Variants in LRBA observed in about 807,000 individuals in gnomAD.
The protein encoded by LRBA is lipopolysaccharide-responsive and beige-like anchor protein.
In LRBA, 176 loss-of-function variants were observed where a neutral mutation model predicts 330.0. The ratio of observed to expected loss-of-function variants is 0.53; its 90% confidence interval spans 0.47 to 0.60. The LOEUF (loss-of-function observed/expected upper bound fraction) is 0.60, where lower values mean the gene tolerates loss of function less well. Among genes scored for constraint, LRBA ranks in the 20% least tolerant of loss-of-function variants. The pLI is 0.00. For missense variants in LRBA, 3,259 were observed against 3,444.8 expected (o/e 0.95, Z 1.35); for synonymous variants, 1,230 against 1,193.0 (o/e 1.03, Z -0.64).
chr4:150,435,777 T>C, intron 45 of LRBA, 69 bp from the exon 46 acceptor site: 1 of 1,260,318 alleles, frequency 7.9e-7, no homozygotes, highest in Admixed American at 2.3e-5. Context: ...TATAAATTCT[T>C]AGAACTAAAT....
intron 40 of LRBA, among the ~76,000 whole-genome samples, chr4:150,549,457 G>C (rs930520733): frequency 2.6e-5 from 4 of 151,646 alleles, no homozygotes; most frequent in African/African-American, 7.3e-5. Flanking sequence ...TCAGCCTCCC[G>C]AGTAGCTGGG....
intron 43 of LRBA, among the ~76,000 whole-genome samples, chr4:150,470,607 A>G (rs1186433078): frequency 6.6e-6 from 1 of 152,088 alleles, no homozygotes; most frequent in African/African-American, 2.4e-5. Flanking sequence ...CCGGCACAGT[A>G]AAATCATCAT....
intron 53 of LRBA, among the ~76,000 whole-genome samples, chr4:150,288,661 G>A (rs1463014421): frequency 6.6e-6 from 1 of 150,716 alleles, no homozygotes; most frequent in Non-Finnish European, 1.5e-5. Context: ...CCAGAAGGCT[G>A]TACATTCCAC....
At chr4:150,540,983 G>A (rs1216569716) in intron 40 of LRBA, among the ~76,000 whole-genome samples, 2 of 152,134 alleles carry the variant, frequency 1.3e-5, no homozygotes, top group Admixed American at 1.3e-4. Flanking sequence ...TCAAAAAATG[G>A]TGGCTTTATC....
At chr4:151,008,240 C>T (rs1004890722) in intron 2 of LRBA, among the ~76,000 whole-genome samples, 1 of 151,934 alleles carries the variant, frequency 6.6e-6, no homozygotes, top group African/African-American at 2.4e-5. Flanking sequence ...GCCACCACAC[C>T]TGGCTAATTT....
At chr4:150,451,341 A>AT (rs200105816) in intron 44 of LRBA, among the ~76,000 whole-genome samples, 3,907 of 152,328 alleles carry the variant, frequency 0.026, 145 homozygotes, top group African/African-American at 0.084. Context: ...AAAGAACTGA[A>AT]ATCATACAGC....
chr4:150,872,565 G>A, intron 18 of LRBA, 98 bp downstream of exon 18: 1 of 725,400 alleles, frequency 1.4e-6, no homozygotes, highest in Non-Finnish European at 2.3e-6. Context: ...AAAAATAAAA[G>A]AAAAACTAGA....
At chr4:150,404,069 A>G (rs964860884) in intron 47 of LRBA, among the ~76,000 whole-genome samples, 3 of 152,126 alleles carry the variant, frequency 2.0e-5, no homozygotes, top group Non-Finnish European at 4.4e-5. Context: ...TATTTTGAAT[A>G]AAGTGTCAAA....
At chr4:150,581,875 T>A (rs1771395082) in intron 40 of LRBA, 1 of 152,142 alleles carries the variant, frequency 6.6e-6, no homozygotes, top group South Asian at 2.1e-4. Context: ...CACCCCCTCA[T>A]GATGGCCCTG....
At chr4:150,808,188 C>T in intron 32 of LRBA, 132 bp downstream of exon 32, 7 of 605,300 alleles carry the variant, frequency 1.2e-5, no homozygotes, top group Non-Finnish European at 2.0e-5. Context: ...TGTTCCCAAG[C>T]CTCTAAATGT....
At chr4:150,631,404 T>C (rs1401329067) in intron 37 of LRBA, among the ~76,000 whole-genome samples, 1 of 152,094 alleles carries the variant, frequency 6.6e-6, no homozygotes, top group Non-Finnish European at 1.5e-5. Context: ...ATGAGAAAAT[T>C]GGAGTGGAAG....
chr4:150,272,553 G>T (rs1746250172), intron 56 of LRBA, among the ~76,000 whole-genome samples: 1 of 151,952 alleles, frequency 6.6e-6, no homozygotes, highest in Admixed American at 6.6e-5. Context: ...ATGCAAGGAA[G>T]CTAAGAACCT....
intron 2 of LRBA, among the ~76,000 whole-genome samples, chr4:150,969,217 A>T (rs1739247885): frequency 6.6e-6 from 1 of 152,242 alleles, no homozygotes; most frequent in Admixed American, 6.5e-5. Flanking sequence ...ATAGTTCAAA[A>T]TGTAATTTCA....
chr4:150,735,214 TA>T, intron 36 of LRBA, 43 bp downstream of exon 36: 1 of 1,365,788 alleles, frequency 7.3e-7, no homozygotes, highest in Non-Finnish European at 1.0e-6. Context: ...TGATTATCAT[TA>T]AAAAACGGTA....
At chr4:150,660,386 G>T (rs1197454387) in intron 37 of LRBA, among the ~76,000 whole-genome samples, 2 of 128,394 alleles carry the variant, frequency 1.6e-5, no homozygotes, top group African/African-American at 5.6e-5. Context: ...CAGTGGCCCC[G>T]TCCGGGAGGT....
chr4:150,930,309 C>T (rs1163996256), intron 2 of LRBA, among the ~76,000 whole-genome samples: 3 of 92,358 alleles, frequency 3.2e-5, no homozygotes, highest in Admixed American at 1.5e-4. Context: ...AGCGAGACTC[C>T]GTCTCAAAAA....
intron 47 of LRBA, among the ~76,000 whole-genome samples, chr4:150,414,899 A>C (rs2151950654): frequency 6.6e-6 from 1 of 152,316 alleles, no homozygotes; most frequent in African/African-American, 2.4e-5. Context: ...ATAATACTGA[A>C]CCCAGATAAT....
intron 40 of LRBA, among the ~76,000 whole-genome samples, chr4:150,521,589 T>C (rs1762929658): frequency 1.3e-5 from 2 of 152,180 alleles, no homozygotes; most frequent in East Asian, 1.9e-4. Context: ...TACTTCCTAA[T>C]GTCCCTAATG....
intron 37 of LRBA, among the ~76,000 whole-genome samples, chr4:150,670,378 T>C (rs1176788127): frequency 1.3e-5 from 2 of 152,250 alleles, no homozygotes; most frequent in Non-Finnish European, 2.9e-5. Flanking sequence ...TATTATAATG[T>C]TGCTCAAATT....
Sources: gnomAD v4.1 joint callset for allele counts (sites outside exome capture counted in the v4.1 genomes callset) on GRCh38, gnomAD v4.1.1 for gene constraint, MANE v1.5 for transcripts, NCBI Gene and HGNC (gene_info 2026-07-23, HGNC 2026-07-21) for gene names.